Variants in SP140 observed in about 807,000 individuals in gnomAD.
SP140 encodes the protein SP140 nuclear body protein, also known as nuclear body protein SP140.
Under a neutral mutation model 125.0 loss-of-function variants are expected in SP140, and 81 were observed. The observed-to-expected ratio is 0.65, with a 90% CI of 0.54 to 0.78. The LOEUF (loss-of-function observed/expected upper bound fraction) is 0.78. Ranked by LOEUF, SP140 falls within the 30% of genes least tolerant of loss-of-function variation. The pLI is 0.00. For missense variants in SP140, 858 were observed against 1,037.0 expected (o/e 0.83, Z 2.37); for synonymous variants, 312 against 354.0 (o/e 0.88, Z 1.33).
At chr2:230,248,410 T>C (rs2049823877) in intron 8 of SP140, among the ~76,000 whole-genome samples, 1 of 151,462 alleles carries the variant, frequency 6.6e-6, no homozygotes, top group Non-Finnish European at 1.5e-5. Context: ...TAGAAAGAAG[T>C]CCAAGGAGTT....
At chr2:230,201,297 A>C (rs2043161934), upstream of SP140, among the ~76,000 whole-genome samples, 1 of 152,218 alleles carries the variant, frequency 6.6e-6, no homozygotes, top group Non-Finnish European at 1.5e-5. Flanking sequence ...GTTTCAGAAA[A>C]TTTGCAAGGT....
chr2:230,202,601 AC>A (rs777682128), upstream of SP140: 4 of 1,614,072 alleles, frequency 2.5e-6, no homozygotes, highest in Non-Finnish European at 3.4e-6. Flanking sequence ...ACTTTCGGGC[AC>A]ATTCAGTTCT....
chr2:230,285,240 A>G (rs1048107996), intron 16 of SP140, among the ~76,000 whole-genome samples: 5 of 152,184 alleles, frequency 3.3e-5, no homozygotes, highest in African/African-American at 4.8e-5. Context: ...TGGTCTGAGG[A>G]CTTCCATTCT....
Position 230,305,674 on chromosome 2 carries a change from G to A in SP140, c.2059-4250G>A, listed in dbSNP as rs139418478. On this transcript the variant is annotated intron_variant, in intron 22 of 26. Coordinates refer to ENST00000392045, the MANE Select transcript of SP140 (RefSeq NM_007237.5). ...CACTTGCACACGTAGCGTGGGGGTC[G>A]GGCCCGAACGCGGAGCAGTGGCCAC... Among the ~76,000 whole-genome samples, 1,171 of 152,348 alleles carry A rather than the reference G, an allele frequency of 7.7e-3. 11 individuals carry two copies. Among genetic ancestry groups the A allele is most frequent in the South Asian group, 0.022 (106 of 4,830 alleles).
rs145576009 is a variant in SP140, at chr2:230,233,670, G to A, written c.60-3413G>A. Among the ~76,000 whole-genome samples the A allele has an allele frequency of 2.3e-3, 355 of 152,228 alleles. 1 individual carries two copies. Among genetic ancestry groups the A allele is most frequent in the African/African-American group, 8.3e-3 (345 of 41,530 alleles). On this transcript the variant is annotated intron_variant, in intron 1 of 26. Coordinates refer to ENST00000392045, the MANE Select transcript of SP140 (RefSeq NM_007237.5). ...AATAATAGTAGTGAATTTATTACCC[G>A]TGAATATGTGATGTGTTTTTATGAA...
chr2:230,205,354 C>G (rs2043652509), intron 1 of SP140, among the ~76,000 whole-genome samples: 1 of 152,204 alleles, frequency 6.6e-6, no homozygotes, highest in Admixed American at 6.5e-5. Flanking sequence ...TCTTTCCTCT[C>G]TGCCTCAGGT....
intron 1 of SP140, among the ~76,000 whole-genome samples, chr2:230,231,013 C>T (rs1259103896): frequency 1.3e-5 from 2 of 151,872 alleles, no homozygotes; most frequent in Non-Finnish European, 2.9e-5. Flanking sequence ...TTCACTGATT[C>T]TTTCCTTGGC....
chr2:230,206,057 A>G (rs1038941991), intron 1 of SP140, among the ~76,000 whole-genome samples: 1 of 152,128 alleles, frequency 6.6e-6, no homozygotes, highest in African/African-American at 2.4e-5. Flanking sequence ...CTTAGAATGG[A>G]ATCATTTCTG....
chr2:230,266,233 A>G (rs753310921), intron 12 of SP140, among the ~76,000 whole-genome samples: 3 of 152,206 alleles, frequency 2.0e-5, no homozygotes, highest in Non-Finnish European at 4.4e-5. Context: ...ATTATGTCTG[A>G]GAAAATAGCC....
chr2:230,283,637 G>A (rs989025734), intron 15 of SP140, among the ~76,000 whole-genome samples: 1 of 152,188 alleles, frequency 6.6e-6, no homozygotes, highest in African/African-American at 2.4e-5. Flanking sequence ...CCTTCAATGA[G>A]CCTACTGCCC....
At chr2:230,202,826 C>T, upstream of SP140, 1 of 1,129,474 alleles carries the variant, frequency 8.9e-7, no homozygotes, top group Non-Finnish European at 1.4e-6. Context: ...CCCCTAACTC[C>T]CACTCTTTCA....
chr2:230,220,640 C>A (rs2045731796), intron 3 of SP140, among the ~76,000 whole-genome samples: 1 of 152,122 alleles, frequency 6.6e-6, no homozygotes, highest in Admixed American at 6.5e-5. Context: ...CAAGGGCTGG[C>A]AGGGACACCC....
rs755430134 is a variant in SP140 at position 230,248,882 on chromosome 2, C to G, written c.893-3C>G. On this transcript the variant is annotated splice_polypyrimidine_tract_variant and splice_region_variant and intron_variant, in intron 8 of 26. Transcript: ENST00000392045. The stretch of plus-strand genomic sequence containing the variant: ...GGTCTGTCAATTTCTTGTTTATCTG[C>G]AGAGACCTTTGATCTAAAAACTCCC... 1 of 1,610,564 alleles carries G rather than the reference C, an allele frequency of 6.2e-7. No individual in the cohort carries two copies. The highest frequency in any genetic ancestry group is 2.2e-5 in the East Asian group (1 of 44,854).
intron 9 of SP140, among the ~76,000 whole-genome samples, chr2:230,249,303 C>G (rs753021717): frequency 6.6e-6 from 1 of 152,050 alleles, no homozygotes; most frequent in African/African-American, 2.4e-5. Context: ...TGGCAACTGA[C>G]GCAGGGGAGA....
Position 230,310,749 on chromosome 2 carries a change from G to A in SP140, c.2181G>A (p.Pro727=), listed in dbSNP as rs781364258. The A allele has an allele frequency of 2.3e-5, 35 of 1,522,758 alleles. No homozygotes were observed. Among genetic ancestry groups the A allele is most frequent in the Non-Finnish European group, 2.9e-5 (33 of 1,121,720 alleles). The allele number at this position is 1,522,758 out of a possible 1,614,324, so 94.3% of individuals were successfully genotyped here. The change falls in exon 24 of 27, where the codon CCG becomes CCA. Residue 727 remains proline, a synonymous_variant. Transcript: ENST00000392045. ...HIPPVEAERT[P]WNCIFCRMKE... is the part of the protein sequence containing the mutation. ...CCCATGTCCAATCTCTCAGGACCCCGTGGAATTGCATCTTCTGCAGGATGA... is the reference window on the plus strand; with the variant it reads ...CCCATGTCCAATCTCTCAGGACCCCATGGAATTGCATCTTCTGCAGGATGA...
intron 12 of SP140, among the ~76,000 whole-genome samples, chr2:230,266,877 C>G (rs1332510238): frequency 1.3e-5 from 2 of 152,192 alleles, no homozygotes; most frequent in Non-Finnish European, 2.9e-5. Flanking sequence ...AGAAAACTCC[C>G]TGCTCTTAAA....
chr2:230,186,296 TTC>T, the SP140 span, among the ~76,000 whole-genome samples: 1 of 152,254 alleles, frequency 6.6e-6, no homozygotes, highest in South Asian at 2.1e-4. Flanking sequence ...TTCCTTCTAT[TTC>T]TCTTTTTCAA....
At chr2:230,307,795 G>C (rs1314945313) in intron 22 of SP140, among the ~76,000 whole-genome samples, 1 of 152,000 alleles carries the variant, frequency 6.6e-6, no homozygotes, top group East Asian at 1.9e-4. Context: ...GGCCAAGTGG[G>C]TGGAAGGAGC....
chr2:230,213,683 A>C (rs1231785285), exon 2 of SP140: 2 of 152,472 alleles, frequency 1.3e-5, no homozygotes, highest in Non-Finnish European at 2.9e-5. Context: ...GTGAATGGAA[A>C]AAGGAAAGTA....
Sources: gnomAD v4.1 joint callset for allele counts (sites outside exome capture counted in the v4.1 genomes callset) on GRCh38, gnomAD v4.1.1 for gene constraint, MANE v1.5 for transcripts, NCBI Gene and HGNC (gene_info 2026-07-23, HGNC 2026-07-21) for gene names.